Variants in ADGRV1 observed in about 807,000 individuals in gnomAD.
The protein encoded by ADGRV1 is adhesion G protein-coupled receptor V1.
Under a neutral mutation model 596.2 loss-of-function variants are expected in ADGRV1, and 359 were observed. That is an observed-to-expected ratio of 0.60 (90% CI 0.55 to 0.66). ADGRV1 has a LOEUF of 0.66. Ranked by LOEUF, ADGRV1 falls within the 30% of genes least tolerant of loss-of-function variation. The pLI is 0.00. For synonymous variants in ADGRV1, 2,681 were observed against 2,679.2 expected, an observed-to-expected ratio of 1.00 and a Z score of -0.02; for missense variants, 7,274 against 7,575.6, an observed-to-expected ratio of 0.96 and a Z score of 1.48.
intron 87 of ADGRV1, among the ~76,000 whole-genome samples, chr5:91,111,210 C>G (rs1389818962): frequency 6.6e-6 from 1 of 152,124 alleles, no homozygotes; most frequent in East Asian, 1.9e-4. Flanking sequence ...AAATAACAAA[C>G]AGTTCTCTCT....
intron 83 of ADGRV1, among the ~76,000 whole-genome samples, chr5:90,873,221 C>A (rs140494193): frequency 6.6e-6 from 1 of 152,284 alleles, no homozygotes; most frequent in East Asian, 1.9e-4. Context: ...TAGTTGTGTG[C>A]AGTCTAGAAC....
chr5:90,794,042 A>G (rs558559448), intron 70 of ADGRV1, among the ~76,000 whole-genome samples: 21 of 152,318 alleles, frequency 1.4e-4, no homozygotes, highest in African/African-American at 1.7e-4. Context: ...CTCACCCGGT[A>G]TATAACCCAT....
rs145369187 is a variant in ADGRV1 at position 90,792,334 on chromosome 5, T to C, written c.14517+988T>C. ...TAGTTTCATATAAACTTGTGATCCA[T>C]AGAAAATAGGCTATCATTTCCGGAT... On this transcript the variant is annotated intron_variant, in intron 70 of 89. Coordinates refer to ENST00000405460, the MANE Select transcript of ADGRV1 (RefSeq NM_032119.4). 2.2e-4 allele frequency: 33 copies of C among 152,312 alleles called. No individual in the cohort carries two copies. The South Asian group carries it at 2.9e-3, about 13-fold the overall frequency. The allele number at this position is 152,312 out of a possible 1,614,324, so 9.4% of individuals were successfully genotyped here.
intron 30 of ADGRV1, 48 bp downstream of exon 30, chr5:90,690,124 A>G (rs1746279005): frequency 7.6e-6 from 8 of 1,045,924 alleles, no homozygotes; most frequent in South Asian, 5.8e-5. Context: ...GCATGTATAG[A>G]TCATAGATAA....
intron 78 of ADGRV1, among the ~76,000 whole-genome samples, chr5:90,842,061 A>T (rs777754012): frequency 3.3e-5 from 5 of 152,236 alleles, no homozygotes; most frequent in African/African-American, 7.2e-5. Context: ...GGCCAGGGAA[A>T]GAGAAAGAAT....
At chr5:91,027,328 A>C (rs1043356686) in intron 85 of ADGRV1, among the ~76,000 whole-genome samples, 1 of 152,148 alleles carries the variant, frequency 6.6e-6, no homozygotes, top group Non-Finnish European at 1.5e-5. Flanking sequence ...CCTACAGGTT[A>C]AAAACTTGTA....
At chr5:90,982,986 T>C (rs1780204783) in intron 84 of ADGRV1, among the ~76,000 whole-genome samples, 2 of 152,238 alleles carry the variant, frequency 1.3e-5, no homozygotes, top group Admixed American at 1.3e-4. Flanking sequence ...GTTTGGCCTA[T>C]GTAATGTTTC....
chr5:91,054,602 T>C (rs1230654580), intron 85 of ADGRV1, among the ~76,000 whole-genome samples: 1 of 152,110 alleles, frequency 6.6e-6, no homozygotes, highest in Non-Finnish European at 1.5e-5. Flanking sequence ...GGATCCCATG[T>C]TGGTTTATAG....
chr5:90,884,193 C>T (rs866691747), intron 83 of ADGRV1, among the ~76,000 whole-genome samples: 3 of 152,054 alleles, frequency 2.0e-5, no homozygotes, highest in Admixed American at 1.3e-4. Context: ...GGATGTTTAG[C>T]GGCATCCCTG....
Position 90,672,664 on chromosome 5 carries a change from T to C in ADGRV1, c.4871T>C (p.Val1624Ala), listed in dbSNP as rs376895610. ...GAAACTGATGGCATTAATTACCTTG[T>C]TGATGACTTTGCTAATGCCAGTGGA... ...QIETDGINYL[V>A]DDFANASGTI... is the part of the protein sequence containing the mutation. The change falls in exon 22 of 90, where the codon GTT (valine) becomes GCT (alanine). Residue 1624 changes from valine to alanine, a missense_variant. Coordinates refer to ENST00000405460, the MANE Select transcript of ADGRV1 (RefSeq NM_032119.4). The C allele has an allele frequency of 1.1e-5, 18 of 1,613,662 alleles. No individual in the cohort carries two copies. The African/African-American group carries it at 1.2e-4, about 11-fold the overall frequency.
chr5:90,861,848 G>A (rs1459087082), intron 82 of ADGRV1, among the ~76,000 whole-genome samples: 1 of 152,072 alleles, frequency 6.6e-6, no homozygotes, highest in South Asian at 2.1e-4. Context: ...TAAATTTTAG[G>A]TATTCAATAT....
chr5:91,127,998 A>C (rs1041607493), intron 87 of ADGRV1, among the ~76,000 whole-genome samples: 28 of 152,042 alleles, frequency 1.8e-4, no homozygotes, highest in Admixed American at 1.4e-3. Context: ...TTAATTTTAA[A>C]CAATCAACAG....
chr5:91,049,072 A>T (rs1272001619), intron 85 of ADGRV1, among the ~76,000 whole-genome samples: 4 of 152,126 alleles, frequency 2.6e-5, no homozygotes. Context: ...CTTAAAAAAA[A>T]AAAATAAACC....
chr5:90,888,345 TAA>T (rs773270302), intron 83 of ADGRV1, among the ~76,000 whole-genome samples: 7 of 152,144 alleles, frequency 4.6e-5, no homozygotes, highest in Admixed American at 3.9e-4. Flanking sequence ...TGTGAGTTCT[TAA>T]AGAGAAAAAG....
At chr5:90,894,001 G>A (rs1561906316) in intron 83 of ADGRV1, among the ~76,000 whole-genome samples, 1 of 152,110 alleles carries the variant, frequency 6.6e-6, no homozygotes, top group Non-Finnish European at 1.5e-5. Context: ...ACTTTCAGAA[G>A]GTCATCTAAA....
chr5:90,737,580 T>TTAA (rs1159713854), intron 50 of ADGRV1, among the ~76,000 whole-genome samples: 1 of 152,012 alleles, frequency 6.6e-6, no homozygotes, highest in East Asian at 1.9e-4. Context: ...TTCAGATCAC[T>TTAA]TAATAATTGC....
intron 1 of ADGRV1, among the ~76,000 whole-genome samples, chr5:90,577,755 A>G (rs1415525857): frequency 1.3e-5 from 2 of 152,182 alleles, no homozygotes; most frequent in South Asian, 2.1e-4. Context: ...ATGAGCATGG[A>G]AGGTTCTTCC....
At chr5:90,881,734 TA>T (rs200481837) in intron 83 of ADGRV1, among the ~76,000 whole-genome samples, 67 of 149,640 alleles carry the variant, frequency 4.5e-4, no homozygotes, top group African/African-American at 1.3e-3. Context: ...TGTGGGACTT[TA>T]AAAAAAAAAT....
intron 70 of ADGRV1, 162 bp downstream of exon 70, chr5:90,791,508 A>T (rs759584394): frequency 1.7e-6 from 1 of 592,808 alleles, no homozygotes; most frequent in Non-Finnish European, 3.0e-6. Flanking sequence ...ATACATTTGC[A>T]GATTATAATA....
Sources: gnomAD v4.1 joint callset for allele counts (sites outside exome capture counted in the v4.1 genomes callset) on GRCh38, gnomAD v4.1.1 for gene constraint, MANE v1.5 for transcripts, NCBI Gene and HGNC (gene_info 2026-07-23, HGNC 2026-07-21) for gene names.